ANKHD1: variants seen among roughly 807,000 people sequenced by gnomAD.
ANKHD1 encodes ankyrin repeat and KH domain containing 1, also known as ankyrin repeat and KH domain-containing protein 1.
In ANKHD1, 31 loss-of-function variants were observed where a neutral mutation model predicts 230.5. The ratio of observed to expected loss-of-function variants is 0.13; its 90% CI spans 0.10 to 0.18. The LOEUF (loss-of-function observed/expected upper bound fraction) is 0.18, where lower values mean the gene tolerates loss of function less well. Ranked by LOEUF, ANKHD1 falls within the 10% of genes least tolerant of loss-of-function variation. The pLI, the probability that ANKHD1 is intolerant of heterozygous loss-of-function variation, is 1.00. For synonymous variants in ANKHD1, 1,074 were observed against 1,117.6 expected, an observed-to-expected ratio of 0.96 and a Z score of 0.78; for missense variants, 2,256 against 3,071.3, an observed-to-expected ratio of 0.73 and a Z score of 6.27.
Position 140,528,534 on chromosome 5 carries a change from C to G in ANKHD1, c.5588C>G (p.Thr1863Ser), listed in dbSNP as rs1362680473. Residue 1863 changes from threonine to serine, a missense_variant, in exon 29 of 34, where the codon ACT (threonine) becomes AGT (serine). Transcript: ENST00000360839. ...CATTTTGCCCTGCTGGCTGCTCAAA[C>G]TATGCAACAGATTCGGCATCCTCGC... is the stretch of plus-strand genomic sequence containing the variant. ...HPHFALLAAQ[T>S]MQQIRHPRLP... The G allele has an allele frequency of 6.2e-7, 1 of 1,614,162 alleles. No homozygotes were observed. The highest frequency in any genetic ancestry group is 2.2e-5 in the East Asian group (1 of 44,894).
intron 29 of ANKHD1, chr5:140,531,526 A>G (rs1950192459): frequency 5.7e-6 from 1 of 174,578 alleles, no homozygotes; most frequent in African/African-American, 2.4e-5. Context: ...GGTTGCAGTA[A>G]GCCGAAATCA....
At chr5:140,427,317 G>C (rs569296189) in intron 1 of ANKHD1, among the ~76,000 whole-genome samples, 1 of 142,336 alleles carries the variant, frequency 7.0e-6, no homozygotes, top group Non-Finnish European at 1.6e-5. Context: ...CTGGCCGGGT[G>C]GGGGGCCGAC....
chr5:140,512,931 T>A lies in ANKHD1; in HGVS notation c.4200+8T>A. The A allele has an allele frequency of 1.6e-5, 25 of 1,588,490 alleles. No individual in the cohort carries two copies. Among genetic ancestry groups the A allele is most frequent in the Non-Finnish European group, 2.1e-5 (25 of 1,170,930 alleles). ...GCAACAATTACAGATAAGGTAAGTTTAATATGCTACTGAAGCACATTTTTG... is the reference window on the plus strand; with the variant it reads ...GCAACAATTACAGATAAGGTAAGTTAAATATGCTACTGAAGCACATTTTTG... On this transcript the variant is annotated splice_region_variant and intron_variant, in intron 23 of 33. Coordinates refer to ENST00000360839, the MANE Select transcript of ANKHD1 (RefSeq NM_017747.3).
intron 1 of ANKHD1, among the ~76,000 whole-genome samples, chr5:140,426,965 CT>C (rs1772479378): frequency 6.6e-6 from 1 of 152,224 alleles, no homozygotes; most frequent in African/African-American, 2.4e-5. Context: ...TTTTCCCCAC[CT>C]TTCCCCCCTT....
At chr5:140,427,337 T>G in intron 1 of ANKHD1, among the ~76,000 whole-genome samples, 1 of 111,320 alleles carries the variant, frequency 9.0e-6, no homozygotes, top group African/African-American at 3.5e-5. Context: ...CCCCCCCACC[T>G]CCCTCCCGGA....
rs759337046 is a variant in ANKHD1, at chr5:140,445,989, G to T, written c.1147+14G>T. The T allele has an allele frequency of 6.4e-7, 1 of 1,555,622 alleles. No homozygotes were observed. The highest frequency in any genetic ancestry group is 1.9e-5 in the Admixed American group (1 of 53,532). On this transcript the variant is annotated intron_variant, in intron 6 of 33. Coordinates refer to ENST00000360839, the MANE Select transcript of ANKHD1 (RefSeq NM_017747.3). ...CTTGCTACAAAGGTACTTAATACAT[G>T]TATGAATATTTATAATGTTTTTCGT...
chr5:140,486,877 A>G, intron 13 of ANKHD1, 81 bp from the exon 14 acceptor site: 6 of 1,393,932 alleles, frequency 4.3e-6, no homozygotes, highest in South Asian at 1.5e-5. Flanking sequence ...AAGATAACCT[A>G]AAACAGGATA....
In ANKHD1 at chr5:140,458,711, G is replaced by T. The variant is rs576986791; in HGVS notation, c.1329G>T (p.Thr443=). The T allele has an allele frequency of 3.3e-4, 529 of 1,613,130 alleles. 3 individuals carry two copies. In the South Asian group the frequency reaches 5.4e-3, roughly 16 times the overall value. Residue 443 remains threonine, a synonymous_variant, in exon 8 of 34, where the codon ACG becomes ACT. Transcript: ENST00000360839. Reference sequence around the variant, plus strand: ...CAGATTCATTTGAATCTCCATTGACGCTAGCTGCCTGTGGAGGACATGTTG... The same window carrying T: ...CAGATTCATTTGAATCTCCATTGACTCTAGCTGCCTGTGGAGGACATGTTG... ...MPADSFESPL[T]LAACGGHVEL...
At chr5:140,435,896 C>G (rs566720624) in intron 1 of ANKHD1, among the ~76,000 whole-genome samples, 1 of 152,156 alleles carries the variant, frequency 6.6e-6, no homozygotes, top group Non-Finnish European at 1.5e-5. Flanking sequence ...GAGGAAACTT[C>G]AGTGTATGTG....
At position 140,451,782 on chromosome 5, in the gene ANKHD1, A is replaced by G. The variant is rs1774757416; in HGVS notation, c.1242+2477A>G. 2.0e-5 allele frequency among the ~76,000 whole-genome samples: 3 copies of G among 152,304 alleles called. No homozygotes were observed. In the South Asian group the frequency reaches 6.2e-4, roughly 32 times the overall value. On this transcript the variant is annotated intron_variant, in intron 7 of 33. Transcript: ENST00000360839. ...CTCAACTTCCCAAAGTGCTGGGGTT[A>G]CAGCTGTGAGCCACTGTGCCCAGCC... is the stretch of plus-strand genomic sequence containing the variant.
rs143469978 is a variant in ANKHD1, at chr5:140,525,815, G to A, written c.4493-181G>A. 5.6e-4 allele frequency among the ~76,000 whole-genome samples: 83 copies of A among 149,126 alleles called. No homozygotes were observed. The East Asian group carries it at 0.013, about 24-fold the overall frequency. On this transcript the variant is annotated intron_variant, in intron 25 of 33. Coordinates refer to ENST00000360839, the MANE Select transcript of ANKHD1 (RefSeq NM_017747.3). ...CGCACCACTGCATTCCAGCCTAGGC[G>A]ACAGAGCAAGACTCCATCTAAAAAA...
At chr5:140,536,725 A>G (rs1240699945) in intron 30 of ANKHD1, among the ~76,000 whole-genome samples, 1 of 152,224 alleles carries the variant, frequency 6.6e-6, no homozygotes, top group Non-Finnish European at 1.5e-5. Context: ...GCCACATTTT[A>G]GTTAATTTTC....
Position 140,459,264 on chromosome 5 carries a change from A to G in ANKHD1, c.1581A>G (p.Ala527=). The G allele has an allele frequency of 6.2e-7, 1 of 1,604,036 alleles. No individual in the cohort carries two copies. Among genetic ancestry groups the G allele is most frequent in the Non-Finnish European group, 8.5e-7 (1 of 1,172,908 alleles). Residue 527 remains alanine (A), a synonymous_variant, in exon 9 of 34, where the codon GCA becomes GCG. Transcript: ENST00000360839. ...FSEVADFLIK[A]GADIELGCST... ...AAGTTGCAGACTTTCTTATTAAGGC[A>G]GGGGCTGATATAGAACTTGGCTGCT...
At chr5:140,418,765 C>T (rs1286871423) in intron 1 of ANKHD1, among the ~76,000 whole-genome samples, 3 of 152,196 alleles carry the variant, frequency 2.0e-5, no homozygotes, top group Non-Finnish European at 4.4e-5. Context: ...GAGTCTTGCT[C>T]TGTCACCCAG....
chr5:140,427,448 G>C (rs1189638673), intron 1 of ANKHD1, among the ~76,000 whole-genome samples: 1 of 131,834 alleles, frequency 7.6e-6, no homozygotes, highest in African/African-American at 2.9e-5. Flanking sequence ...TCTCCCGGAC[G>C]GGGCGGCTGG....
chr5:140,480,786 ATATT>A (rs752045885), intron 10 of ANKHD1, among the ~76,000 whole-genome samples: 6 of 152,114 alleles, frequency 3.9e-5, no homozygotes, highest in Non-Finnish European at 5.9e-5. Context: ...TGATTAAACA[ATATT>A]TAATCACTCC....
At chr5:140,471,251 C>G (rs1343890872) in intron 10 of ANKHD1, among the ~76,000 whole-genome samples, 1 of 152,096 alleles carries the variant, frequency 6.6e-6, no homozygotes, top group Non-Finnish European at 1.5e-5. Context: ...TCACTTTGTT[C>G]AGCTATTTAA....
Position 140,528,659 on chromosome 5 carries a change from C to T in ANKHD1, c.5713C>T (p.Pro1905Ser). The change falls in exon 29 of 34, where the codon CCA (proline) becomes TCA (serine). Residue 1905 changes from proline to serine, a missense_variant. Transcript: ENST00000360839. Reference sequence around the variant, plus strand: ...GAATCCTGGCAACACAAATAGCTCTCCAAAGCATAATAACACAAGCCGTCT... The same window carrying T: ...GAATCCTGGCAACACAAATAGCTCTTCAAAGCATAATAACACAAGCCGTCT... Reference protein sequence around the residue: ...PVNPGNTNSSPKHNNTSRLPN... With the variant: ...PVNPGNTNSSSKHNNTSRLPN... 1 of 1,614,120 alleles carries T rather than the reference C, an allele frequency of 6.2e-7. No homozygotes were observed. Among genetic ancestry groups the T allele is most frequent in the Non-Finnish European group, 8.5e-7 (1 of 1,180,032 alleles).
In ANKHD1 at chr5:140,485,627, C is replaced by T. The variant is rs1299362424; in HGVS notation, c.2037C>T (p.Gly679=). Residue 679 remains glycine, a synonymous_variant, in exon 13 of 34, where the codon GGC becomes GGT. Transcript: ENST00000360839. This position sits in a 1 kb window ranked among gnomAD's most constrained non-coding sequence, Gnocchi z 4.8. ...TGCTCATTGAAGCTGCAAAGGGTGG[C>T]CATACTAATGTAGTTTCTTATCTGT... The part of the protein sequence containing the change: ...STMLIEAAKG[G]HTNVVSYLLD... 2 of 1,613,954 alleles carry T rather than the reference C, an allele frequency of 1.2e-6. No individual in the cohort carries two copies. The highest frequency in any genetic ancestry group is 1.7e-4 in the Middle Eastern group (1 of 6,058).
Sources: allele counts gnomAD v4.1 joint callset (sites outside exome capture counted in the v4.1 genomes callset), GRCh38; gene constraint gnomAD v4.1.1; non-coding constraint Gnocchi (gnomAD v3.1); transcripts MANE v1.5; gene names NCBI Gene and HGNC (gene_info 2026-07-23, HGNC 2026-07-21).